UGT1A9: variants seen among roughly 807,000 people sequenced by gnomAD.
UGT1A9 encodes the protein UDP glucuronosyltransferase family 1 member A9, also known as UDP-glucuronosyltransferase 1A9.
A neutral mutation model predicts 45.0 loss-of-function variants in UGT1A9; 35 were observed. The observed-to-expected ratio is 0.78, with a 90% CI of 0.59 to 1.03. The LOEUF (loss-of-function observed/expected upper bound fraction) is 1.03. Among genes scored for constraint, UGT1A9 ranks in the 50% least tolerant of loss-of-function variants. UGT1A9 has a pLI of 0.00. For missense variants in UGT1A9, 687 were observed against 666.6 expected (o/e 1.03, Z -0.34); for synonymous variants, 278 against 250.6 (o/e 1.11, Z -1.03).
chr2:233,734,419 T>C (rs2078523493), intron 1 of UGT1A9, among the ~76,000 whole-genome samples: 1 of 152,186 alleles, frequency 6.6e-6, no homozygotes, highest in African/African-American at 2.4e-5. Flanking sequence ...CTCTCTTTTC[T>C]TCTTTATTAG....
chr2:233,677,270 T>C (rs909595005), intron 1 of UGT1A9, among the ~76,000 whole-genome samples: 1 of 152,220 alleles, frequency 6.6e-6, no homozygotes, highest in African/African-American at 2.4e-5. Context: ...AAGTATATCA[T>C]GTTTTTGATG....
At chr2:233,679,224 A>G (rs2074445354) in intron 1 of UGT1A9, among the ~76,000 whole-genome samples, 1 of 152,208 alleles carries the variant, frequency 6.6e-6, no homozygotes, top group Admixed American at 6.5e-5. Flanking sequence ...TGGCTAGGGA[A>G]TGGTCCAATA....
chr2:233,751,986 T>A (rs1694863386), intron 1 of UGT1A9, among the ~76,000 whole-genome samples: 1 of 152,156 alleles, frequency 6.6e-6, no homozygotes, highest in South Asian at 2.1e-4. Context: ...TGAATCTGCA[T>A]TTATTGAGAA....
chr2:233,722,743 G>A (rs1388091069), intron 1 of UGT1A9, among the ~76,000 whole-genome samples: 1 of 151,770 alleles, frequency 6.6e-6, no homozygotes, highest in Non-Finnish European at 1.5e-5. Context: ...TTGATGCAGT[G>A]ACTGTCTATA....
At chr2:233,734,343 T>G (rs1193439739) in intron 1 of UGT1A9, among the ~76,000 whole-genome samples, 2 of 152,200 alleles carry the variant, frequency 1.3e-5, no homozygotes, top group Admixed American at 6.5e-5. Flanking sequence ...TGATGGTAGT[T>G]TGTATTTCTG....
chr2:233,757,535 A>AATATATATACATATACATATATATAT lies in UGT1A9; in HGVS notation c.856-9490_856-9489insCATATACATATATATATATATATATA, dbSNP rs376887521. On this transcript the variant is annotated intron_variant, in intron 1 of 4. Transcript: ENST00000354728. ...CAAAGCCAAAATCTTGCCTGTAAGG[A>AATATATATACATATACATATATATAT]ATATATATATATATATATATATATA... 7.4e-3 allele frequency among the ~76,000 whole-genome samples: 638 copies of AATATATATACATATACATATATATAT among 85,730 alleles called. 7 individuals carry two copies. Among genetic ancestry groups the AATATATATACATATACATATATATAT allele is most frequent in the African/African-American group, 0.011 (216 of 19,360 alleles). 56.2% of individuals were successfully genotyped at this position (85,730 alleles called of 152,430 possible).
intron 1 of UGT1A9, among the ~76,000 whole-genome samples, chr2:233,732,958 C>G (rs75520741): frequency 0.048 from 7,267 of 152,142 alleles, 252 homozygotes; most frequent in East Asian, 0.16. Flanking sequence ...AATGTTCTTC[C>G]ATTTGTTTGT....
At chr2:233,682,106 G>A (rs769900053) in intron 1 of UGT1A9, 5 of 1,614,200 alleles carry the variant, frequency 3.1e-6, no homozygotes, top group Middle Eastern at 1.7e-4. Context: ...TGAGGTGGTC[G>A]TAGTCATGCC....
In UGT1A9 at chr2:233,705,458, A is replaced by C. The variant is rs1256694964; in HGVS notation, c.855+32669A>C. On this transcript the variant is annotated intron_variant, in intron 1 of 4. Transcript: ENST00000354728. ...TCCTTCAGAATTGCACATATTTTTTAGCAGACACACATGAGGCAAATTTAA... is the reference window on the plus strand; with the variant it reads ...TCCTTCAGAATTGCACATATTTTTTCGCAGACACACATGAGGCAAATTTAA... Among the ~76,000 whole-genome samples the C allele has an allele frequency of 2.6e-5, 4 of 152,214 alleles. No individual in the cohort carries two copies. In the East Asian group the frequency reaches 7.7e-4, roughly 29 times the overall value.
intron 1 of UGT1A9, among the ~76,000 whole-genome samples, chr2:233,699,729 G>A (rs1012427185): frequency 1.3e-5 from 2 of 152,116 alleles, no homozygotes; most frequent in African/African-American, 4.8e-5. Context: ...TTTACGGAGC[G>A]TTTTCCCAGA....
chr2:233,729,115 T>G (rs376445258), intron 1 of UGT1A9: 49 of 1,612,840 alleles, frequency 3.0e-5, no homozygotes, highest in Non-Finnish European at 3.5e-5. Context: ...GCTGTCCGTG[T>G]CTTCTGCTGA....
At chr2:233,718,901 G>A (rs377204506) in intron 1 of UGT1A9, 4 of 1,613,882 alleles carry the variant, frequency 2.5e-6, no homozygotes, top group African/African-American at 1.3e-5. Flanking sequence ...CCTGGGCTGA[G>A]AGTGGAAAGG....
rs45619032 is a variant in UGT1A9, at chr2:233,765,042, C to T, written c.856-1992C>T. ...GGCAGGAGTCCTGCTGTGCAAATTG[C>T]GTTTGCTGAGCCCTGTCAGAGGTCT... On this transcript the variant is annotated intron_variant, in intron 1 of 4. Transcript: ENST00000354728. 6.1e-3 allele frequency among the ~76,000 whole-genome samples: 921 copies of T among 152,078 alleles called. 13 individuals carry two copies. Among genetic ancestry groups the T allele is most frequent in the African/African-American group, 0.021 (865 of 41,462 alleles).
chr2:233,698,180 T>C (rs973918936), intron 1 of UGT1A9, among the ~76,000 whole-genome samples: 1 of 152,196 alleles, frequency 6.6e-6, no homozygotes, highest in Non-Finnish European at 1.5e-5. Context: ...TTCTGTATTA[T>C]GATATGTAAT....
intron 1 of UGT1A9, chr2:233,743,714 T>C (rs1337587224): frequency 1.5e-6 from 2 of 1,367,360 alleles, no homozygotes; most frequent in Admixed American, 1.9e-5. Context: ...CGCCTCGCCA[T>C]AGCGGTCATA....
chr2:233,682,045 C>T (rs376446155), intron 1 of UGT1A9: 11 of 1,613,974 alleles, frequency 6.8e-6, no homozygotes, highest in Non-Finnish European at 8.5e-6. Flanking sequence ...TGGATGGGAG[C>T]CACTGGTTCA....
In UGT1A9 at chr2:233,767,901, T is replaced by C; in HGVS notation, c.1040T>C (p.Ile347Thr). The C allele has an allele frequency of 6.2e-6, 10 of 1,614,218 alleles. No individual in the cohort carries two copies. Among genetic ancestry groups the C allele is most frequent in the Non-Finnish European group, 2.5e-6 (3 of 1,180,042 alleles). Residue 347 changes from isoleucine (I) to threonine (T), a missense_variant, in exon 3 of 5, where the codon ATA becomes ACA. Transcript: ENST00000354728. ...TRPSNLANNT[I>T]LVKWLPQNDL... is the part of the protein sequence containing the mutation. ...CCATCGAATCTTGCGAACAACACGATACTTGTTAAGTGGCTACCCCAAAAC... is the reference window on the plus strand; with the variant it reads ...CCATCGAATCTTGCGAACAACACGACACTTGTTAAGTGGCTACCCCAAAAC...
chr2:233,681,847 T>A (rs1333071945), intron 1 of UGT1A9: 1 of 1,518,354 alleles, frequency 6.6e-7, no homozygotes, highest in African/African-American at 1.4e-5. Flanking sequence ...ACACGCCTTC[T>A]TTTGAGGGCA....
rs2074228621 is a variant in UGT1A9, at chr2:233,672,484, C to T, written c.550C>T (p.Pro184Ser). 2 of 1,613,942 alleles carry T rather than the reference C, an allele frequency of 1.2e-6. No individual in the cohort carries two copies. The highest frequency in any genetic ancestry group is 1.7e-6 in the Non-Finnish European group (2 of 1,179,838). ...CHYLEEGAQC[P>S]APLSYVPRIL... is the part of the protein sequence containing the mutation. Reference sequence around the variant, plus strand: ...CTATCTTGAAGAAGGTGCACAGTGCCCTGCTCCTCTTTCCTATGTCCCCAG... The same window carrying T: ...CTATCTTGAAGAAGGTGCACAGTGCTCTGCTCCTCTTTCCTATGTCCCCAG... The change falls in exon 1 of 5, where the codon CCT becomes TCT. Residue 184 changes from proline (P) to serine (S), a missense_variant. Coordinates refer to ENST00000354728, the MANE Select transcript of UGT1A9 (RefSeq NM_021027.3).
Sources: allele counts gnomAD v4.1 joint callset (sites outside exome capture counted in the v4.1 genomes callset), GRCh38; gene constraint gnomAD v4.1.1; transcripts MANE v1.5; gene names NCBI Gene and HGNC (gene_info 2026-07-23, HGNC 2026-07-21).